Variants in PCDH9 observed in about 807,000 individuals in gnomAD.
PCDH9 encodes protocadherin 9.
A neutral mutation model predicts 70.6 loss-of-function variants in PCDH9; 24 were observed. The observed-to-expected ratio is 0.34, with a 90% CI of 0.25 to 0.48. PCDH9 has a LOEUF of 0.48. Among genes scored for constraint, PCDH9 ranks in the 20% least tolerant of loss-of-function variants. PCDH9 has a pLI of 0.99. For missense variants in PCDH9, 1,281 were observed against 1,503.6 expected (o/e 0.85, Z 2.45); for synonymous variants, 562 against 558.5 (o/e 1.01, Z -0.09).
At chr13:66,580,226 T>C (rs1439472502) in intron 4 of PCDH9, among the ~76,000 whole-genome samples, 1 of 152,074 alleles carries the variant, frequency 6.6e-6, no homozygotes, top group East Asian at 1.9e-4. Flanking sequence ...TAATTATGTA[T>C]CAACTTAAAA....
intron 3 of PCDH9, among the ~76,000 whole-genome samples, chr13:66,841,066 T>TGAA (rs1475820229): frequency 5.3e-5 from 8 of 152,160 alleles, no homozygotes; most frequent in African/African-American, 1.9e-4. Context: ...AACTGTAGCA[T>TGAA]GAAGGTATGT....
intron 4 of PCDH9, among the ~76,000 whole-genome samples, chr13:66,606,729 G>T (rs1179255667): frequency 1.3e-5 from 2 of 151,850 alleles, no homozygotes; most frequent in African/African-American, 4.8e-5. Flanking sequence ...TGCTAAAACT[G>T]GCAATCCCAA....
chr13:66,384,682 T>G (rs2138251442), intron 4 of PCDH9, among the ~76,000 whole-genome samples: 1 of 152,322 alleles, frequency 6.6e-6, no homozygotes, highest in East Asian at 1.9e-4. Flanking sequence ...TTTACTTATT[T>G]GAGGTGGAGT....
At chr13:66,428,515 CT>C (rs950976683) in intron 4 of PCDH9, among the ~76,000 whole-genome samples, 7 of 151,678 alleles carry the variant, frequency 4.6e-5, no homozygotes, top group Non-Finnish European at 1.0e-4. Flanking sequence ...TTATTGACAA[CT>C]TTTAGTCCGT....
chr13:66,438,960 A>T (rs1957926700), intron 4 of PCDH9, among the ~76,000 whole-genome samples: 1 of 152,214 alleles, frequency 6.6e-6, no homozygotes, highest in South Asian at 2.1e-4. Context: ...GAAACTTTTC[A>T]TCCAAAATAG....
At chr13:66,529,919 AT>A (rs1301960345) in intron 4 of PCDH9, among the ~76,000 whole-genome samples, 2 of 151,596 alleles carry the variant, frequency 1.3e-5, no homozygotes, top group Non-Finnish European at 2.9e-5. Context: ...AAAAAAAAAT[AT>A]TTTTTTCTAG....
At chr13:66,450,475 G>C (rs957298416) in intron 4 of PCDH9, among the ~76,000 whole-genome samples, 13 of 152,300 alleles carry the variant, frequency 8.5e-5, no homozygotes, top group Non-Finnish European at 1.8e-4. Flanking sequence ...CAGAGACTTT[G>C]AAAGAAGATT....
chr13:66,850,385 G>A (rs2081296061), intron 3 of PCDH9, among the ~76,000 whole-genome samples: 1 of 152,106 alleles, frequency 6.6e-6, no homozygotes, highest in South Asian at 2.1e-4. Context: ...TGGGCATGGT[G>A]GCAGGCACCT....
chr13:66,797,157 G>C (rs1372203609), intron 3 of PCDH9, among the ~76,000 whole-genome samples: 1 of 152,074 alleles, frequency 6.6e-6, no homozygotes, highest in African/African-American at 2.4e-5. Context: ...GAGTTCTTTT[G>C]ACTGGGAGTT....
intron 2 of PCDH9, among the ~76,000 whole-genome samples, chr13:66,908,976 C>T (rs2082411337): frequency 6.6e-6 from 1 of 151,816 alleles, no homozygotes; most frequent in Non-Finnish European, 1.5e-5. Context: ...ACAGGGATTG[C>T]TTATGTGAAA....
intron 4 of PCDH9, among the ~76,000 whole-genome samples, chr13:66,413,552 G>A (rs748735352): frequency 6.6e-4 from 100 of 152,094 alleles, no homozygotes; most frequent in Non-Finnish European, 1.3e-3. Flanking sequence ...CGGGCATGGT[G>A]GTGGGCGCCT....
At chr13:67,228,893 C>G (rs1454813111) in intron 1 of PCDH9, among the ~76,000 whole-genome samples, 2 of 152,206 alleles carry the variant, frequency 1.3e-5, no homozygotes, top group Non-Finnish European at 2.9e-5. Flanking sequence ...GTCTCACCCT[C>G]CTCCTAGCCT....
rs1266837783 is a variant in PCDH9 at position 66,368,334 on chromosome 13, G to T, written c.3341-63306C>A. 4.6e-5 allele frequency among the ~76,000 whole-genome samples: 7 copies of T among 151,934 alleles called. No individual in the cohort carries two copies. In the South Asian group the frequency reaches 1.2e-3, roughly 27 times the overall value. Reference sequence around the variant, plus strand: ...AGAATTTTAAAGACAATTTTAAATTGTTGAATATATTATTAATGCAAAATT... The same window carrying T: ...AGAATTTTAAAGACAATTTTAAATTTTTGAATATATTATTAATGCAAAATT... On this transcript the variant is annotated intron_variant, in intron 4 of 4. Coordinates refer to ENST00000377865, the MANE Select transcript of PCDH9 (RefSeq NM_203487.3).
intron 2 of PCDH9, among the ~76,000 whole-genome samples, chr13:67,001,573 G>T (rs1316078183): frequency 6.6e-6 from 1 of 152,120 alleles, no homozygotes; most frequent in East Asian, 1.9e-4. Context: ...AATCCCCTTG[G>T]TTTAATTAGG....
At position 66,848,664 on chromosome 13, in the gene PCDH9, T is replaced by C. The variant is rs145754843; in HGVS notation, c.3138+54840A>G. ...CCAAAATCGGCCGGGCGCGGTGGCTTACACCTGTAATCCCAGCACTCTGGG... is the reference window on the plus strand; with the variant it reads ...CCAAAATCGGCCGGGCGCGGTGGCTCACACCTGTAATCCCAGCACTCTGGG... On this transcript the variant is annotated intron_variant, in intron 3 of 4. Transcript: ENST00000377865. 1.1e-3 allele frequency among the ~76,000 whole-genome samples: 163 copies of C among 151,960 alleles called. 2 individuals carry two copies. Among genetic ancestry groups the C allele is most frequent in the African/African-American group, 3.5e-3 (145 of 41,424 alleles).
At chr13:66,515,947 A>T (rs1959711822) in intron 4 of PCDH9, among the ~76,000 whole-genome samples, 1 of 152,014 alleles carries the variant, frequency 6.6e-6, no homozygotes, top group African/African-American at 2.4e-5. Flanking sequence ...GGATGACTTT[A>T]CCACATTTAC....
chr13:67,022,106 C>CTTTTTTTTTTTTTTTTTT (rs71110623), intron 2 of PCDH9, among the ~76,000 whole-genome samples: 1 of 35,370 alleles, frequency 2.8e-5, no homozygotes, highest in African/African-American at 1.3e-4. Flanking sequence ...AGGTGATGTT[C>CTTTTTTTTTTTTTTTTTT]TTTTTTTTTT....
At chr13:66,937,221 G>A (rs929524413) in intron 2 of PCDH9, among the ~76,000 whole-genome samples, 12 of 152,128 alleles carry the variant, frequency 7.9e-5, no homozygotes, top group Non-Finnish European at 1.8e-4. Flanking sequence ...AGAGCCCTAC[G>A]GGATTGGTTT....
chr13:66,704,253 A>G (rs1343791792), intron 3 of PCDH9, among the ~76,000 whole-genome samples: 1 of 152,238 alleles, frequency 6.6e-6, no homozygotes, highest in Non-Finnish European at 1.5e-5. Flanking sequence ...AAGTAAACTC[A>G]TAATACATTT....
Sources: gnomAD v4.1 joint callset for allele counts (sites outside exome capture counted in the v4.1 genomes callset) on GRCh38, gnomAD v4.1.1 for gene constraint, MANE v1.5 for transcripts, NCBI Gene and HGNC (gene_info 2026-07-23, HGNC 2026-07-21) for gene names.